The following MAML3 variants were observed in gnomAD, a reference collection of about 807,000 sequenced individuals.
MAML3 encodes mastermind-like protein 3.
In MAML3, 27 loss-of-function variants were observed where a neutral mutation model predicts 101.9. The observed-to-expected ratio is 0.27, with a 90% CI of 0.20 to 0.37. The LOEUF is 0.37. MAML3 is among the 10% of genes least tolerant of loss of function. The pLI is 1.00. For missense variants in MAML3, 1,316 were observed against 1,444.9 expected, an observed-to-expected ratio of 0.91 and a Z score of 1.45; for synonymous variants, 501 against 555.9, an observed-to-expected ratio of 0.90 and a Z score of 1.39.
intron 2 of MAML3, among the ~76,000 whole-genome samples, chr4:139,820,661 T>C (rs1377210184): frequency 2.6e-5 from 4 of 152,202 alleles, no homozygotes; most frequent in African/African-American, 9.6e-5. Flanking sequence ...TCTATCTTTT[T>C]CACTTATTAC....
chr4:140,146,279 G>A (rs1000726948), intron 1 of MAML3, among the ~76,000 whole-genome samples: 3 of 152,028 alleles, frequency 2.0e-5, no homozygotes, highest in African/African-American at 7.2e-5. Flanking sequence ...CTCAGAGAAC[G>A]CCGAATGCTG....
chr4:139,758,138 G>T (rs996089537), intron 2 of MAML3, among the ~76,000 whole-genome samples: 1 of 152,200 alleles, frequency 6.6e-6, no homozygotes, highest in Non-Finnish European at 1.5e-5. Flanking sequence ...AAATAGGTCT[G>T]TGATTAGCTG....
chr4:139,921,572 C>T (rs566211246), intron 1 of MAML3, among the ~76,000 whole-genome samples: 19 of 152,268 alleles, frequency 1.2e-4, no homozygotes, highest in Admixed American at 6.5e-4. Context: ...GACTGCAATT[C>T]TAACATAATG....
chr4:140,056,660 A>T (rs2110930708), intron 1 of MAML3, among the ~76,000 whole-genome samples: 1 of 151,994 alleles, frequency 6.6e-6, no homozygotes, highest in Middle Eastern at 3.4e-3. Context: ...ATACCAAAAA[A>T]TTAGCCAGGG....
At chr4:140,009,464 A>T (rs138253224) in intron 1 of MAML3, among the ~76,000 whole-genome samples, 14 of 152,324 alleles carry the variant, frequency 9.2e-5, no homozygotes, top group African/African-American at 3.1e-4. Context: ...GGGCAATCTT[A>T]TTCTTAGCAA....
chr4:139,884,613 T>C (rs950772461), intron 2 of MAML3, among the ~76,000 whole-genome samples: 25 of 152,230 alleles, frequency 1.6e-4, no homozygotes, highest in African/African-American at 5.1e-4. Flanking sequence ...AGTTGCTCCA[T>C]TGTTTTTTGT....
At chr4:140,050,165 C>G (rs77562333) in intron 1 of MAML3, among the ~76,000 whole-genome samples, 1 of 152,266 alleles carries the variant, frequency 6.6e-6, no homozygotes. Flanking sequence ...CATATTCTTT[C>G]ATTTCTCTTA....
intron 1 of MAML3, among the ~76,000 whole-genome samples, chr4:140,131,352 G>A (rs1369326141): frequency 6.6e-6 from 1 of 152,202 alleles, no homozygotes; most frequent in African/African-American, 2.4e-5. Context: ...AAAGTTCATT[G>A]TAGCAGTGGT....
intron 2 of MAML3, among the ~76,000 whole-genome samples, chr4:139,822,228 C>T (rs1313317705): frequency 4.9e-5 from 3 of 61,742 alleles, no homozygotes; most frequent in East Asian, 6.5e-4. Context: ...ATCACCATCA[C>T]CACCACCACC....
chr4:140,112,072 T>G (rs895185971), intron 1 of MAML3, among the ~76,000 whole-genome samples: 3 of 152,248 alleles, frequency 2.0e-5, no homozygotes, highest in African/African-American at 7.2e-5. Flanking sequence ...TTATACTTAT[T>G]AGTTGACTCT....
intron 1 of MAML3, among the ~76,000 whole-genome samples, chr4:140,111,558 TC>T (rs1728439425): frequency 6.6e-6 from 1 of 152,200 alleles, no homozygotes; most frequent in African/African-American, 2.4e-5. Flanking sequence ...CCTAGCTTTG[TC>T]CCCTTCCCCT....
At chr4:140,069,420 GGGAAGGAGGAGAAGGAGGAGA>G (rs1727598993) in intron 1 of MAML3, among the ~76,000 whole-genome samples, 3 of 26,574 alleles carry the variant, frequency 1.1e-4, no homozygotes, top group Non-Finnish European at 2.2e-4. Flanking sequence ...GGAGGAGGAG[GGGAAGGAGGAGAAGGAGGAGA>G]AGGAGGAGAA....
intron 1 of MAML3, among the ~76,000 whole-genome samples, chr4:139,959,019 C>G (rs906278975): frequency 4.6e-5 from 7 of 152,034 alleles, no homozygotes; most frequent in Non-Finnish European, 8.8e-5. Flanking sequence ...AGTTCTGAGA[C>G]CATTTTTTCT....
At chr4:140,128,002 A>G (rs1340468299) in intron 1 of MAML3, 1 of 152,194 alleles carries the variant, frequency 6.6e-6, no homozygotes, top group African/African-American at 2.4e-5. Flanking sequence ...ACTTCACTAA[A>G]TTGCCTTCGT....
intron 1 of MAML3, among the ~76,000 whole-genome samples, chr4:140,048,803 C>G (rs1727221989): frequency 6.6e-6 from 1 of 152,156 alleles, no homozygotes; most frequent in Non-Finnish European, 1.5e-5. Flanking sequence ...TCCCTTGCCC[C>G]ATTCCCTAGG....
At chr4:140,086,520 G>GA (rs559837613) in intron 1 of MAML3, among the ~76,000 whole-genome samples, 12 of 150,196 alleles carry the variant, frequency 8.0e-5, no homozygotes, top group East Asian at 1.9e-4. Context: ...TTCTTTAAGG[G>GA]AAAAAAAAAG....
intron 1 of MAML3, among the ~76,000 whole-genome samples, chr4:139,919,244 G>T (rs921992043): frequency 1.1e-4 from 17 of 152,128 alleles, no homozygotes; most frequent in African/African-American, 3.9e-4. Flanking sequence ...CATTGAAGAA[G>T]GGGGAGGAAG....
chr4:139,723,165 G>A (rs1728318602), intron 4 of MAML3, among the ~76,000 whole-genome samples: 1 of 152,222 alleles, frequency 6.6e-6, no homozygotes, highest in Admixed American at 6.5e-5. Context: ...ATCAGGATCT[G>A]TTAAGTGGAA....
In MAML3 at chr4:139,998,070, T is replaced by G. The variant is rs114524566; in HGVS notation, c.469-107103A>C. 8.6e-3 allele frequency among the ~76,000 whole-genome samples: 1,311 copies of G among 152,292 alleles called. 22 individuals carry two copies. The highest frequency in any genetic ancestry group is 0.03 in the African/African-American group (1,256 of 41,564). ...GGAATTTGGGGAGTGTTTGACTATA[T>G]TTCTTCAAATATTTTCCTGCTCCTT... On this transcript the variant is annotated intron_variant, in intron 1 of 4. Coordinates refer to ENST00000509479, the MANE Select transcript of MAML3 (RefSeq NM_018717.5).
Sources: gnomAD v4.1 joint callset for allele counts (sites outside exome capture counted in the v4.1 genomes callset) on GRCh38, gnomAD v4.1.1 for gene constraint, MANE v1.5 for transcripts, NCBI Gene and HGNC (gene_info 2026-07-23, HGNC 2026-07-21) for gene names.